Variants in RNF223 observed in about 807,000 individuals in gnomAD.
RNF223 encodes ring finger protein 223.
A neutral mutation model predicts 13.9 loss-of-function variants in RNF223; 10 were observed. That is an observed-to-expected ratio of 0.72 (90% CI 0.44 to 1.22). The LOEUF is 1.22. Ranked by LOEUF, RNF223 falls within the 50% of genes most tolerant of loss-of-function variation. The probability of loss-of-function intolerance (pLI) is 0.00; values close to 1 mark genes in which losing one functional copy is unlikely to be tolerated. For missense variants in RNF223, 379 were observed against 380.0 expected, an observed-to-expected ratio of 1.00 and a Z score of 0.02; for synonymous variants, 168 against 173.3, an observed-to-expected ratio of 0.97 and a Z score of 0.24.
intron 1 of RNF223, among the ~76,000 whole-genome samples, chr1:1,073,638 C>T (rs931435229): frequency 6.6e-6 from 1 of 152,150 alleles, no homozygotes; most frequent in Non-Finnish European, 1.5e-5. Flanking sequence ...CCAGGATCCG[C>T]TGCAGGGAGC....
In RNF223 at chr1:1,071,729, C is replaced by T; in HGVS notation, c.*88G>A. The stretch of plus-strand genomic sequence containing the variant: ...TTTCGCGTCCTCGGGGACCGACTTC[C>T]AGTGGCTGCTGTGCCCTTGGGCCCC... On this transcript the variant is annotated 3_prime_UTR_variant, in exon 2 of 2. Transcript: ENST00000453464. 1.7e-6 allele frequency: 2 copies of T among 1,190,276 alleles called. No homozygotes were observed. The highest frequency in any genetic ancestry group is 2.2e-6 in the Non-Finnish European group (2 of 894,814). The allele number at this position is 1,190,276 out of a possible 1,614,324, so 73.7% of individuals were successfully genotyped here. A position where few individuals can be genotyped will look rare whatever the true frequency, so the allele number is the denominator to read the frequency against.
chr1:1,072,366 C>G lies in RNF223; in HGVS notation c.201G>C (p.Glu67Asp), dbSNP rs1303379517. 6.8e-7 allele frequency: 1 copy of G among 1,462,068 alleles called. No individual in the cohort carries two copies. Among genetic ancestry groups the G allele is most frequent in the Admixed American group, 2.6e-5 (1 of 38,894 alleles). The allele number at this position is 1,462,068 out of a possible 1,614,324, so 90.6% of individuals were successfully genotyped here. Residue 67 changes from glutamate (E) to aspartate (D), a missense_variant, in exon 2 of 2, where the codon GAG becomes GAC. Glu to Asp is a conservative substitution (Grantham distance 45, BLOSUM62 2). Transcript: ENST00000453464. Reference sequence around the variant, plus strand: ...GGCAGAAGACGTGGGTGCAGGAGAGCTCCTTGGGTGTCTTGAAGATGTTGT... The same window carrying G: ...GGCAGAAGACGTGGGTGCAGGAGAGGTCCTTGGGTGTCTTGAAGATGTTGT... ...GYDNIFKTPK[E>D]LSCTHVFCLE...
Position 1,072,259 on chromosome 1 carries a change from T to G in RNF223, c.308A>C (p.Gln103Pro). The change falls in exon 2 of 2, where the codon CAG (glutamine) becomes CCG (proline). Residue 103 changes from glutamine to proline, a missense_variant. Gln to Pro is a moderately conservative substitution (Grantham distance 76, BLOSUM62 -1). Coordinates refer to ENST00000453464, the MANE Select transcript of RNF223 (RefSeq NM_001205252.2). ...TCCGGCGGGCGGCACGGCCGTGGGC[T>G]GCCTGCAGAAGGGGCAAGGTACAGC... is the stretch of plus-strand genomic sequence containing the variant. Reference protein sequence around the residue: ...GEAVPCPFCRQPTAVPPAGAP... With the variant: ...GEAVPCPFCRPPTAVPPAGAP... 7.0e-7 allele frequency: 1 copy of G among 1,438,382 alleles called. No homozygotes were observed. Among genetic ancestry groups the G allele is most frequent in the Non-Finnish European group, 9.1e-7 (1 of 1,103,000 alleles). The allele number at this position is 1,438,382 out of a possible 1,614,324, so 89.1% of individuals were successfully genotyped here.
intron 1 of RNF223, 150 bp from the exon 2 acceptor site, chr1:1,072,725 G>A (rs1645651952): frequency 3.1e-6 from 2 of 655,614 alleles, no homozygotes; most frequent in Non-Finnish European, 5.0e-6. Flanking sequence ...GCCCCTGGAG[G>A]TCATTCTGCC....
Position 1,071,861 on chromosome 1 carries a change from TGGCCGGG to T in RNF223, c.699_705del (p.Thr236GlnfsTer9). The T allele has an allele frequency of 7.3e-7, 1 of 1,364,670 alleles. No individual in the cohort carries two copies. The highest frequency in any genetic ancestry group is 9.8e-7 in the Non-Finnish European group (1 of 1,023,090). The allele number at this position is 1,364,670 out of a possible 1,614,324, so 84.5% of individuals were successfully genotyped here. ...CCGAGGGGGGAGGCGGCTGTGCTGG[TGGCCGGG>T]GGCCGGGGGGGCAGGGGCAGGCAGC... On this transcript the variant is annotated frameshift_variant, in exon 2 of 2. Coordinates refer to ENST00000453464, the MANE Select transcript of RNF223 (RefSeq NM_001205252.2). LOFTEE classifies it high-confidence loss of function.
rs754571954 is a variant in RNF223, at chr1:1,072,486, G to T, written c.81C>A (p.Ser27=). 1 of 1,531,910 alleles carries T rather than the reference G, an allele frequency of 6.5e-7. No individual in the cohort carries two copies. The highest frequency in any genetic ancestry group is 8.7e-7 in the Non-Finnish European group (1 of 1,145,260). 94.9% of individuals were successfully genotyped at this position (1,531,910 alleles called of 1,614,324 possible). The change falls in exon 2 of 2, where the codon TCC becomes TCA. Residue 27 remains serine, a synonymous_variant. Coordinates refer to ENST00000453464, the MANE Select transcript of RNF223 (RefSeq NM_001205252.2). The part of the protein sequence containing the change: ...RSSSIASMPR[S]PSSAGSPRSP... The stretch of plus-strand genomic sequence containing the variant: ...ACCTGGGGCTGCCGGCCGAGCTGGG[G>T]GACCTGGGCATCGAGGCTATGGAGC...
chr1:1,073,248 CG>C (rs1274916283), intron 1 of RNF223, among the ~76,000 whole-genome samples: 1 of 152,076 alleles, frequency 6.6e-6, no homozygotes, highest in Non-Finnish European at 1.5e-5. Context: ...GGCTGAGCCC[CG>C]GGGGCTTTGG....
rs1415435636 is a variant in RNF223 at position 1,071,774 on chromosome 1, G to A, written c.*43C>T. ...GGCCCCCCAGTGGGGGACGCCCCAT[G>A]GAGCTGGGCGAGGGCGGCTGACCTG... On this transcript the variant is annotated 3_prime_UTR_variant, in exon 2 of 2. Coordinates refer to ENST00000453464, the MANE Select transcript of RNF223 (RefSeq NM_001205252.2). The A allele has an allele frequency of 1.4e-6, 2 of 1,414,526 alleles. No homozygotes were observed. Among genetic ancestry groups the A allele is most frequent in the African/African-American group, 1.5e-5 (1 of 66,840 alleles). 87.6% of individuals were successfully genotyped at this position (1,414,526 alleles called of 1,614,324 possible). A position where few individuals can be genotyped will look rare whatever the true frequency, so the allele number is the denominator to read the frequency against.
At position 1,072,111 on chromosome 1, in the gene RNF223, G is replaced by A. The variant is rs1421858135; in HGVS notation, c.456C>T (p.Gly152=). ...LCCQPLPTTP[G]REPGFVCVDV... The stretch of plus-strand genomic sequence containing the variant: ...CCACGCATACGAAACCGGGCTCGCG[G>A]CCAGGTGTGGTGGGCAGTGGCTGGC... The change falls in exon 2 of 2, where the codon GGC becomes GGT. Residue 152 remains glycine, a synonymous_variant. Transcript: ENST00000453464. 2.0e-6 allele frequency: 3 copies of A among 1,516,416 alleles called. No homozygotes were observed. The highest frequency in any genetic ancestry group is 1.2e-5 in the South Asian group (1 of 81,544). The allele number at this position is 1,516,416 out of a possible 1,614,324, so 93.9% of individuals were successfully genotyped here. A position where few individuals can be genotyped will look rare whatever the true frequency, so the allele number is the denominator to read the frequency against.
rs1025224391 is a variant in RNF223, at chr1:1,074,045, G to T, written c.-39C>A. The T allele has an allele frequency of 3.3e-5, 5 of 152,286 alleles. No individual in the cohort carries two copies. Among genetic ancestry groups the T allele is most frequent in the African/African-American group, 1.2e-4 (5 of 41,406 alleles). The allele number at this position is 152,286 out of a possible 1,614,324, so 9.4% of individuals were successfully genotyped here. A position where few individuals can be genotyped will look rare whatever the true frequency, so the allele number is the denominator to read the frequency against. On this transcript the variant is annotated 5_prime_UTR_variant, in exon 1 of 2. Transcript: ENST00000453464. ...TGGCCGGGGGTCAGCGGGCCTGGGC[G>T]TGGTCCTCCTCGCCGGCCACGGTTG...
Position 1,072,049 on chromosome 1 carries a change from G to A in RNF223, c.518C>T (p.Pro173Leu). ...CCGGCGGGGGGCAGGGTCCCGGGCG[G>A]GCGCGGGCGGCTCGGCAGGCTTGCT... ...GLSKPAEPPA[P>L]ARDPAPRRGR... Residue 173 changes from proline (P) to leucine (L), a missense_variant, in exon 2 of 2, where the codon CCC becomes CTC. By Grantham distance (98) the Pro-to-Leu change is moderately conservative. Coordinates refer to ENST00000453464, the MANE Select transcript of RNF223 (RefSeq NM_001205252.2). The A allele has an allele frequency of 6.7e-7, 1 of 1,492,034 alleles. No individual in the cohort carries two copies. The highest frequency in any genetic ancestry group is 2.2e-5 in the Admixed American group (1 of 45,214). The allele number at this position is 1,492,034 out of a possible 1,614,324, so 92.4% of individuals were successfully genotyped here. A position where few individuals can be genotyped will look rare whatever the true frequency, so the allele number is the denominator to read the frequency against.
chr1:1,073,014 A>G (rs2100728802), intron 1 of RNF223, among the ~76,000 whole-genome samples: 1 of 152,368 alleles, frequency 6.6e-6, no homozygotes, highest in East Asian at 1.9e-4. Flanking sequence ...ACAGTGTGGA[A>G]AAGGCCGCCC....
chr1:1,072,076 A>G lies in RNF223; in HGVS notation c.491T>C (p.Leu164Ser), dbSNP rs1352623206. 2.7e-6 allele frequency: 4 copies of G among 1,504,324 alleles called. No homozygotes were observed. The South Asian group carries it at 3.7e-5, about 14-fold the overall frequency. 93.2% of individuals were successfully genotyped at this position (1,504,324 alleles called of 1,614,324 possible). ...EPGFVCVDVG[L>S]SKPAEPPAPA... ...CGCGGGCGGCTCGGCAGGCTTGCTC[A>G]AACCCACGTCCACGCATACGAAACC... Residue 164 changes from leucine (L) to serine (S), a missense_variant, in exon 2 of 2, where the codon TTG (leucine) becomes TCG (serine). Physicochemically the swap from Leu to Ser is moderately radical, Grantham distance 145. Transcript: ENST00000453464.
Position 1,071,859 on chromosome 1 carries a change from G to T in RNF223, c.708C>A (p.Thr236=). The T allele has an allele frequency of 6.5e-7, 1 of 1,526,758 alleles. No individual in the cohort carries two copies. Among genetic ancestry groups the T allele is most frequent in the Non-Finnish European group, 8.8e-7 (1 of 1,142,480 alleles). 94.6% of individuals were successfully genotyped at this position (1,526,758 alleles called of 1,614,324 possible). The change falls in exon 2 of 2, where the codon ACC becomes ACA. Residue 236 remains threonine, a synonymous_variant. Transcript: ENST00000453464. ...GCCCGAGGGGGGAGGCGGCTGTGCT[G>T]GTGGCCGGGGGCCGGGGGGGCAGGG... ...CLPLPPRPPA[T]STAASPLGPL... is the part of the protein sequence containing the mutation.
At chr1:1,072,774 T>A (rs1645652221) in intron 1 of RNF223, among the ~76,000 whole-genome samples, 199 bp from the exon 2 acceptor site, 1 of 152,182 alleles carries the variant, frequency 6.6e-6, no homozygotes, top group Non-Finnish European at 1.5e-5. Flanking sequence ...ATCACATGGC[T>A]GCACCGGGGT....
chr1:1,072,359 A>C lies in RNF223; in HGVS notation c.208T>G (p.Cys70Gly). Residue 70 changes from cysteine to glycine, a missense_variant, in exon 2 of 2, where the codon TGC (cysteine) becomes GGC (glycine). Physicochemically the swap from Cys to Gly is radical, Grantham distance 159 (BLOSUM62 -3). Coordinates refer to ENST00000453464, the MANE Select transcript of RNF223 (RefSeq NM_001205252.2). ...CACTCCAGGCAGAAGACGTGGGTGC[A>C]GGAGAGCTCCTTGGGTGTCTTGAAG... is the stretch of plus-strand genomic sequence containing the variant. ...NIFKTPKELS[C>G]THVFCLECLA... The C allele has an allele frequency of 2.1e-6, 3 of 1,460,448 alleles. No individual in the cohort carries two copies. Among genetic ancestry groups the C allele is most frequent in the Non-Finnish European group, 2.7e-6 (3 of 1,113,780 alleles). The allele number at this position is 1,460,448 out of a possible 1,614,324, so 90.5% of individuals were successfully genotyped here.
At position 1,071,576 on chromosome 1, in the gene RNF223, TC is replaced by T. The variant is rs1310978311; in HGVS notation, c.*240del. The T allele has an allele frequency of 2.2e-6, 1 of 446,530 alleles. No individual in the cohort carries two copies. The allele number at this position is 446,530 out of a possible 1,614,324, so 27.7% of individuals were successfully genotyped here. A position where few individuals can be genotyped will look rare whatever the true frequency, so the allele number is the denominator to read the frequency against. On this transcript the variant is annotated 3_prime_UTR_variant, in exon 2 of 2. Coordinates refer to ENST00000453464, the MANE Select transcript of RNF223 (RefSeq NM_001205252.2). ...CCACCGCGCCCGGTGAGACTGTGGT[TC>T]TTGGAGGCTTTGGGGATCCTCTTGT...
At position 1,072,182 on chromosome 1, in the gene RNF223, A is replaced by C; in HGVS notation, c.385T>G (p.Leu129Val). 6.6e-7 allele frequency: 1 copy of C among 1,504,926 alleles called. No individual in the cohort carries two copies. 93.2% of individuals were successfully genotyped at this position (1,504,926 alleles called of 1,614,324 possible). Reference protein sequence around the residue: ...RQLQARMPAHLRREEPVWLEG... With the variant: ...RQLQARMPAHVRREEPVWLEG... ...AGCCACACAGGCTCCTCACGCCGCA[A>C]ATGCGCCGGCATCCGGGCCTGCAGC... Residue 129 changes from leucine to valine, a missense_variant, in exon 2 of 2, where the codon TTG becomes GTG. Physicochemically the swap from Leu to Val is conservative, Grantham distance 32. Coordinates refer to ENST00000453464, the MANE Select transcript of RNF223 (RefSeq NM_001205252.2).
Position 1,072,184 on chromosome 1 carries a change from T to A in RNF223, c.383A>T (p.His128Leu). Reference sequence around the variant, plus strand: ...CCACACAGGCTCCTCACGCCGCAAATGCGCCGGCATCCGGGCCTGCAGCTG... The same window carrying A: ...CCACACAGGCTCCTCACGCCGCAAAAGCGCCGGCATCCGGGCCTGCAGCTG... ...SRQLQARMPA[H>L]LRREEPVWLE... Residue 128 changes from histidine to leucine, a missense_variant, in exon 2 of 2, where the codon CAT becomes CTT. Transcript: ENST00000453464. The A allele has an allele frequency of 6.6e-7, 1 of 1,503,928 alleles. No homozygotes were observed. Among genetic ancestry groups the A allele is most frequent in the Non-Finnish European group, 8.8e-7 (1 of 1,132,744 alleles). 93.2% of individuals were successfully genotyped at this position (1,503,928 alleles called of 1,614,324 possible). A position where few individuals can be genotyped will look rare whatever the true frequency, so the allele number is the denominator to read the frequency against.
Sources: allele counts gnomAD v4.1 joint callset (sites outside exome capture counted in the v4.1 genomes callset), GRCh38; gene constraint gnomAD v4.1.1; transcripts MANE v1.5; gene names NCBI Gene and HGNC (gene_info 2026-07-23, HGNC 2026-07-21).